ITPRID2: variants seen among roughly 807,000 people sequenced by gnomAD.
The protein encoded by ITPRID2 is protein ITPRID2.
A neutral mutation model predicts 124.3 loss-of-function variants in ITPRID2; 60 were observed. The observed-to-expected ratio is 0.48, with a 90% CI of 0.39 to 0.60. ITPRID2 has a LOEUF of 0.60. Among genes scored for constraint, ITPRID2 ranks in the 20% least tolerant of loss-of-function variants. ITPRID2 has a pLI of 0.00. For missense variants in ITPRID2, 1,553 were observed against 1,512.2 expected, an observed-to-expected ratio of 1.03 and a Z score of -0.45; for synonymous variants, 521 against 542.9, an observed-to-expected ratio of 0.96 and a Z score of 0.56.
At chr2:181,923,493 G>T (rs1216278861) in intron 16 of ITPRID2, among the ~76,000 whole-genome samples, 1 of 151,994 alleles carries the variant, frequency 6.6e-6, no homozygotes, top group East Asian at 1.9e-4. Flanking sequence ...AATTATTTTT[G>T]TAAATTGGTT....
Position 181,900,760 on chromosome 2 carries a change from G to A in ITPRID2, c.568G>A (p.Gly190Arg). The stretch of plus-strand genomic sequence containing the variant: ...AGAAATTCTTTATAATCTTGGATTT[G>A]GACGTGATGAACCAGATATTGCTTC... The part of the protein sequence containing the change: ...PEEILYNLGF[G>R]RDEPDIASKI... Residue 190 changes from glycine (G) to arginine (R), a missense_variant, in exon 7 of 18, where the codon GGA becomes AGA. Coordinates refer to ENST00000431877, the MANE Select transcript of ITPRID2 (RefSeq NM_001130445.3). 1 of 1,613,102 alleles carries A rather than the reference G, an allele frequency of 6.2e-7. No individual in the cohort carries two copies. The highest frequency in any genetic ancestry group is 8.5e-7 in the Non-Finnish European group (1 of 1,179,592).
intron 15 of ITPRID2, 43 bp from the exon 16 acceptor site, chr2:181,921,905 T>A (rs1694504525): frequency 1.3e-6 from 2 of 1,551,082 alleles, no homozygotes; most frequent in African/African-American, 2.7e-5. Context: ...GCTACCAATC[T>A]TAATTCCAAG....
rs183043957 is a variant in ITPRID2, at chr2:181,899,909, G to A, written c.504-787G>A. Among the ~76,000 whole-genome samples the A allele has an allele frequency of 5.2e-3, 791 of 152,274 alleles. 7 individuals carry two copies. The highest frequency in any genetic ancestry group is 0.018 in the African/African-American group (751 of 41,548). On this transcript the variant is annotated intron_variant, in intron 6 of 17. Transcript: ENST00000431877. ...TATATTAAAATACATCAGTGCATGT[G>A]CCTATGGAATCCAGTTTAAACTGTT...
chr2:181,895,967 G>A (rs1692163793), intron 2 of ITPRID2, 63 bp from the exon 3 acceptor site: 1 of 1,396,078 alleles, frequency 7.2e-7, no homozygotes, highest in Non-Finnish European at 1.0e-6. Flanking sequence ...GTAAGGCTGT[G>A]TAATGACAAC....
rs1182745076 is a variant in ITPRID2, at chr2:181,907,795, T to G, written c.1414-2104T>G. On this transcript the variant is annotated intron_variant, in intron 8 of 17. Coordinates refer to ENST00000431877, the MANE Select transcript of ITPRID2 (RefSeq NM_001130445.3). The surrounding 1 kb of genome is among the most constrained non-coding windows in gnomAD (Gnocchi z 5.1). ...ATTCACCCATTATCACTAGCATGTATGTTTCTCTCTTCAGCAAGTGGGTAC... is the reference window on the plus strand; with the variant it reads ...ATTCACCCATTATCACTAGCATGTAGGTTTCTCTCTTCAGCAAGTGGGTAC... Among the ~76,000 whole-genome samples the G allele has an allele frequency of 6.6e-6, 1 of 152,222 alleles. No homozygotes were observed. Among genetic ancestry groups the G allele is most frequent in the Non-Finnish European group, 1.5e-5 (1 of 68,040 alleles).
rs1251145702 is a variant in ITPRID2, at chr2:181,899,013, G to A, written c.405-1G>A. The A allele has an allele frequency of 1.2e-6, 2 of 1,607,418 alleles. No homozygotes were observed. The highest frequency in any genetic ancestry group is 1.7e-6 in the Non-Finnish European group (2 of 1,177,136). ...TTTATATAATCTGATTTTGTTCGTA[G>A]CAATAATATCTTGGCCAAAGAGAGA... is the stretch of plus-strand genomic sequence containing the variant. On this transcript the variant is annotated splice_acceptor_variant, in intron 5 of 17. Transcript: ENST00000431877. LOFTEE classifies it high-confidence loss of function.
rs1307989618 is a variant in ITPRID2 at position 181,907,595 on chromosome 2, C to CT, written c.1414-2302dup. The stretch of plus-strand genomic sequence containing the variant: ...TATTCTTGTTAATTATGAAAGGCTG[C>CT]TTATAGCAAATGACCAGAATTCTAC... On this transcript the variant is annotated intron_variant, in intron 8 of 17. Coordinates refer to ENST00000431877, the MANE Select transcript of ITPRID2 (RefSeq NM_001130445.3). The surrounding 1 kb of genome is among the most constrained non-coding windows in gnomAD (Gnocchi z 5.1). Among the ~76,000 whole-genome samples the CT allele has an allele frequency of 6.6e-6, 1 of 152,058 alleles. No homozygotes were observed. Among genetic ancestry groups the CT allele is most frequent in the Non-Finnish European group, 1.5e-5 (1 of 68,002 alleles).
Position 181,891,914 on chromosome 2 carries a change from C to T in ITPRID2, c.-153C>T. ...TCCCCTTCCTTCCCTCCCTCCCTCC[C>T]TGTCCCCTCCTCCTCCTCCTCCTCC... On this transcript the variant is annotated 5_prime_UTR_variant, in exon 1 of 18. Transcript: ENST00000431877. The T allele has an allele frequency of 1.8e-6, 1 of 566,012 alleles. No homozygotes were observed. The highest frequency in any genetic ancestry group is 3.1e-6 in the Non-Finnish European group (1 of 324,950). The allele number at this position is 566,012 out of a possible 1,614,324, so 35.1% of individuals were successfully genotyped here. A position where few individuals can be genotyped will look rare whatever the true frequency, so the allele number is the denominator to read the frequency against.
At position 181,892,965 on chromosome 2, in the gene ITPRID2, G is replaced by T. The variant is rs1164335285; in HGVS notation, c.257+305G>T. On this transcript the variant is annotated intron_variant, in intron 2 of 17. Transcript: ENST00000431877. This position sits in a 1 kb window ranked among gnomAD's most constrained non-coding sequence, Gnocchi z 5.2. ...ATATTTGTTCTGTTTTTATTTGAAA[G>T]AATTCTCACATCTCGAACAGGATAT... The T allele has an allele frequency of 2.1e-5, 10 of 480,282 alleles. No individual in the cohort carries two copies. The highest frequency in any genetic ancestry group is 1.7e-4 in the South Asian group (5 of 29,822). The allele number at this position is 480,282 out of a possible 1,614,324, so 29.8% of individuals were successfully genotyped here.
Position 181,892,502 on chromosome 2 carries a change from T to A in ITPRID2, c.212-113T>A. The A allele has an allele frequency of 7.3e-7, 1 of 1,375,618 alleles. No individual in the cohort carries two copies. Among genetic ancestry groups the A allele is most frequent in the Non-Finnish European group, 1.0e-6 (1 of 970,152 alleles). 85.2% of individuals were successfully genotyped at this position (1,375,618 alleles called of 1,614,324 possible). ...CCCTGCCAAGGGACACTGAGACGTG[T>A]CGCTTAGGCTGCATTTGCCGTGGTA... On this transcript the variant is annotated intron_variant, in intron 1 of 17. Transcript: ENST00000431877. The surrounding 1 kb of genome is among the most constrained non-coding windows in gnomAD (Gnocchi z 5.2).
chr2:181,900,675 T>C, intron 6 of ITPRID2, 21 bp from the exon 7 acceptor site: 4 of 1,551,264 alleles, frequency 2.6e-6, no homozygotes, highest in Admixed American at 1.8e-5. Flanking sequence ...ATGTTTCCTT[T>C]TTTGCCCCCT....
chr2:181,902,579 T>A lies in ITPRID2; in HGVS notation c.1413+113T>A. On this transcript the variant is annotated intron_variant, in intron 8 of 17. Coordinates refer to ENST00000431877, the MANE Select transcript of ITPRID2 (RefSeq NM_001130445.3). The surrounding 1 kb of genome is among the most constrained non-coding windows in gnomAD (Gnocchi z 4.4). ...AGATTTATACTAGAAAAATTTATTC[T>A]AATTTTGACTTTCCAGGTTTATGTT... The A allele has an allele frequency of 1.3e-6, 1 of 778,544 alleles. No individual in the cohort carries two copies. Among genetic ancestry groups the A allele is most frequent in the Non-Finnish European group, 1.9e-6 (1 of 516,724 alleles). The allele number at this position is 778,544 out of a possible 1,614,324, so 48.2% of individuals were successfully genotyped here.
In ITPRID2 at chr2:181,922,391, G is replaced by A; in HGVS notation, c.3654G>A (p.Glu1218=). The change falls in exon 16 of 18, where the codon GAG becomes GAA. Residue 1218 remains glutamate, a synonymous_variant. Coordinates refer to ENST00000431877, the MANE Select transcript of ITPRID2 (RefSeq NM_001130445.3). ...TGCATAAAAATGTGGAGCAAGATGA[G>A]TTGCAGCAAGTCATACGGGAGGTGG... ...EEMHKNVEQD[E]LQQVIREIKE... 6.2e-7 allele frequency: 1 copy of A among 1,612,024 alleles called. No individual in the cohort carries two copies. Among genetic ancestry groups the A allele is most frequent in the Non-Finnish European group, 8.5e-7 (1 of 1,178,706 alleles).
intron 7 of ITPRID2, 146 bp from the exon 8 acceptor site, chr2:181,901,620 A>T: frequency 1.9e-6 from 1 of 522,130 alleles, no homozygotes; most frequent in Non-Finnish European, 3.0e-6. Flanking sequence ...GAGAAGGTTT[A>T]AGTGTTAGAT....
chr2:181,924,919 G>GT (rs1409372087), intron 16 of ITPRID2, among the ~76,000 whole-genome samples: 1 of 152,176 alleles, frequency 6.6e-6, no homozygotes, highest in Non-Finnish European at 1.5e-5. Context: ...ACTGTTTGCA[G>GT]TTACTTTAAA....
Position 181,922,320 on chromosome 2 carries a change from G to T in ITPRID2, c.3583G>T (p.Glu1195Ter), listed in dbSNP as rs995294207. ...PEVVGPKSEV[E>*]EGHGKLPSMP... The stretch of plus-strand genomic sequence containing the variant: ...AGTTGTAGGACCTAAATCTGAAGTG[G>T]AAGAAGGGCATGGAAAACTCCCATC... The change falls in exon 16 of 18, where the codon GAA becomes TAA. Residue 1195 changes from glutamate (E) to a stop codon, truncating the protein, a stop_gained. Coordinates refer to ENST00000431877, the MANE Select transcript of ITPRID2 (RefSeq NM_001130445.3). LOFTEE classifies it high-confidence loss of function. 2 of 1,614,114 alleles carry T rather than the reference G, an allele frequency of 1.2e-6. No homozygotes were observed. The highest frequency in any genetic ancestry group is 2.7e-5 in the African/African-American group (2 of 74,938).
chr2:181,919,166 A>G lies in ITPRID2; in HGVS notation c.2994-130A>G. On this transcript the variant is annotated intron_variant, in intron 13 of 17. Coordinates refer to ENST00000431877, the MANE Select transcript of ITPRID2 (RefSeq NM_001130445.3). This position sits in a 1 kb window ranked among gnomAD's most constrained non-coding sequence, Gnocchi z 4.2. ...CTTGTGGATACACCTATTGTAGTTGATATTGTACTAATTTCTAGAACCTGA... is the reference window on the plus strand; with the variant it reads ...CTTGTGGATACACCTATTGTAGTTGGTATTGTACTAATTTCTAGAACCTGA... The G allele has an allele frequency of 9.6e-7, 1 of 1,040,986 alleles. No homozygotes were observed. Among genetic ancestry groups the G allele is most frequent in the Non-Finnish European group, 1.4e-6 (1 of 712,126 alleles). 64.5% of individuals were successfully genotyped at this position (1,040,986 alleles called of 1,614,324 possible).
Position 181,919,548 on chromosome 2 carries a change from G to A in ITPRID2, c.3144+102G>A, listed in dbSNP as rs1324359350. 2.3e-6 allele frequency: 3 copies of A among 1,289,756 alleles called. No homozygotes were observed. The highest frequency in any genetic ancestry group is 2.1e-6 in the Non-Finnish European group (2 of 965,456). The allele number at this position is 1,289,756 out of a possible 1,614,324, so 79.9% of individuals were successfully genotyped here. Reference sequence around the variant, plus strand: ...TTCATTTCAAGTCATTTATTTTAATGGTATTAAAAGCATGCATACTGTTTA... The same window carrying A: ...TTCATTTCAAGTCATTTATTTTAATAGTATTAAAAGCATGCATACTGTTTA... On this transcript the variant is annotated intron_variant, in intron 14 of 17. Coordinates refer to ENST00000431877, the MANE Select transcript of ITPRID2 (RefSeq NM_001130445.3). This position sits in a 1 kb window ranked among gnomAD's most constrained non-coding sequence, Gnocchi z 4.2.
At chr2:181,923,898 A>G (rs895889383) in intron 16 of ITPRID2, among the ~76,000 whole-genome samples, 6 of 152,188 alleles carry the variant, frequency 3.9e-5, no homozygotes, top group African/African-American at 1.2e-4. Flanking sequence ...TCTTTGGCTT[A>G]TAAGACACAG....
Sources: allele counts gnomAD v4.1 joint callset (sites outside exome capture counted in the v4.1 genomes callset), GRCh38; gene constraint gnomAD v4.1.1; non-coding constraint Gnocchi (gnomAD v3.1); transcripts MANE v1.5; gene names NCBI Gene and HGNC (gene_info 2026-07-23, HGNC 2026-07-21).